TAFA2: variants seen among roughly 807,000 people sequenced by gnomAD.
TAFA2 encodes TAFA chemokine like family member 2.
TAFA2 carries 7 observed loss-of-function variants against 18.8 expected under a neutral mutation model. The observed-to-expected ratio is 0.37, with a 90% confidence interval of 0.21 to 0.70. The LOEUF (loss-of-function observed/expected upper bound fraction) is 0.70. TAFA2 is among the 30% of genes least tolerant of loss of function. The probability of loss-of-function intolerance (pLI) is 0.53; values close to 1 mark genes in which losing one functional copy is unlikely to be tolerated. For synonymous variants in TAFA2, 60 were observed against 54.2 expected (o/e 1.11, Z -0.47); for missense variants, 122 against 158.1 (o/e 0.77, Z 1.23).
At chr12:62,050,470 G>T (rs1882022339) in intron 1 of TAFA2, among the ~76,000 whole-genome samples, 2 of 152,050 alleles carry the variant, frequency 1.3e-5, no homozygotes, top group South Asian at 4.2e-4. Flanking sequence ...TACTTGGGAG[G>T]CTGAGGCAGG....
intron 1 of TAFA2, chr12:62,021,833 G>A (rs1881151236): frequency 6.1e-6 from 5 of 816,008 alleles, no homozygotes; most frequent in Non-Finnish European, 1.1e-5. Context: ...GGATCATCAG[G>A]CCATCCACAA....
At chr12:62,039,020 A>G (rs146559240) in intron 1 of TAFA2, among the ~76,000 whole-genome samples, 3 of 152,316 alleles carry the variant, frequency 2.0e-5, no homozygotes, top group African/African-American at 7.2e-5. Context: ...TGATGTCTGC[A>G]TATTTTCAAG....
chr12:62,226,582 G>T (rs1254933778), intron 1 of TAFA2, among the ~76,000 whole-genome samples: 2 of 152,100 alleles, frequency 1.3e-5, no homozygotes, highest in African/African-American at 2.4e-5. Context: ...CTTTAATACT[G>T]ATACCTATCT....
intron 1 of TAFA2, among the ~76,000 whole-genome samples, chr12:61,895,860 C>G (rs1029334877): frequency 2.0e-5 from 3 of 152,026 alleles, no homozygotes; most frequent in African/African-American, 7.2e-5. Context: ...AAAATATAAC[C>G]AGTAATCTAG....
intron 1 of TAFA2, among the ~76,000 whole-genome samples, chr12:62,080,923 G>T (rs543850968): frequency 2.0e-5 from 3 of 152,116 alleles, no homozygotes; most frequent in Admixed American, 2.0e-4. Context: ...GGCCAGGCGC[G>T]GTGGCTCACG....
chr12:61,919,128 C>A (rs929871860), intron 1 of TAFA2, among the ~76,000 whole-genome samples: 23 of 152,074 alleles, frequency 1.5e-4, no homozygotes, highest in African/African-American at 5.3e-4. Context: ...TCAACTTTCC[C>A]CCAAGGAATT....
At chr12:62,137,408 G>A (rs1347339221) in intron 1 of TAFA2, among the ~76,000 whole-genome samples, 1 of 152,054 alleles carries the variant, frequency 6.6e-6, no homozygotes, top group Non-Finnish European at 1.5e-5. Context: ...AAGAATAAAT[G>A]GAAACAATGG....
At chr12:61,833,013 T>C (rs1348969069) in intron 2 of TAFA2, among the ~76,000 whole-genome samples, 1 of 146,934 alleles carries the variant, frequency 6.8e-6, no homozygotes. Context: ...ATATAATATA[T>C]AAATATATAT....
At chr12:61,991,929 G>A (rs1261510203) in intron 1 of TAFA2, among the ~76,000 whole-genome samples, 1 of 152,122 alleles carries the variant, frequency 6.6e-6, no homozygotes, top group East Asian at 1.9e-4. Context: ...GTTCCTTCAT[G>A]TTGGCCTGCA....
Position 61,745,508 on chromosome 12 carries a change from C to T in TAFA2, c.384+8114G>A, listed in dbSNP as rs34685049. ...TGCCCTCACCTCCCAAGACCTCAAT[C>T]AACTATGCAAACTCCCTTGCTCAGC... On this transcript the variant is annotated intron_variant, in intron 4 of 4. Coordinates refer to ENST00000416284, the MANE Select transcript of TAFA2 (RefSeq NM_178539.5). Among the ~76,000 whole-genome samples the T allele has an allele frequency of 9.1e-3, 1,380 of 152,192 alleles. 23 individuals carry two copies. Among genetic ancestry groups the T allele is most frequent in the African/African-American group, 0.032 (1,313 of 41,534 alleles).
chr12:61,785,584 C>A (rs1432244992), intron 2 of TAFA2, among the ~76,000 whole-genome samples: 1 of 151,376 alleles, frequency 6.6e-6, no homozygotes, highest in Non-Finnish European at 1.5e-5. Flanking sequence ...ATTGAAGGTG[C>A]ACCTCTTATG....
At chr12:61,925,986 C>A (rs1005166202) in intron 1 of TAFA2, among the ~76,000 whole-genome samples, 4 of 152,032 alleles carry the variant, frequency 2.6e-5, no homozygotes, top group Admixed American at 6.6e-5. Flanking sequence ...AGAGAAGAAT[C>A]AAATAGACAC....
chr12:61,925,962 A>G (rs1476204405), intron 1 of TAFA2, among the ~76,000 whole-genome samples: 1 of 152,220 alleles, frequency 6.6e-6, no homozygotes, highest in Non-Finnish European at 1.5e-5. Context: ...AGCCAGACTA[A>G]TAAAGAAGAA....
At position 62,034,032 on chromosome 12, in the gene TAFA2, T is replaced by A. The variant is rs556754111; in HGVS notation, c.-2+157227A>T. ...CTTTATTCAAAAAGCATTAACTGAATAATATGCACAAGAGAGAAAGAGGTT... is the reference window on the plus strand; with the variant it reads ...CTTTATTCAAAAAGCATTAACTGAAAAATATGCACAAGAGAGAAAGAGGTT... On this transcript the variant is annotated intron_variant, in intron 1 of 4. Transcript: ENST00000416284. Among the ~76,000 whole-genome samples the A allele has an allele frequency of 5.3e-5, 8 of 152,262 alleles. No homozygotes were observed. In the South Asian group the frequency reaches 1.4e-3, roughly 28 times the overall value.
At chr12:61,926,822 C>T (rs1877314317) in intron 1 of TAFA2, among the ~76,000 whole-genome samples, 1 of 151,992 alleles carries the variant, frequency 6.6e-6, no homozygotes, top group Admixed American at 6.6e-5. Context: ...CCTGTAATCC[C>T]AGCACTTTAG....
At chr12:61,906,717 G>T (rs570853576) in intron 1 of TAFA2, among the ~76,000 whole-genome samples, 5 of 152,204 alleles carry the variant, frequency 3.3e-5, no homozygotes, top group Non-Finnish European at 7.3e-5. Context: ...CTGGAAACTG[G>T]TTGAATGGCT....
chr12:61,746,214 C>T (rs534298948), intron 4 of TAFA2, among the ~76,000 whole-genome samples: 2 of 152,148 alleles, frequency 1.3e-5, no homozygotes, highest in African/African-American at 4.8e-5. Flanking sequence ...GTTTTATAAG[C>T]ATCTGGCATT....
intron 1 of TAFA2, among the ~76,000 whole-genome samples, chr12:61,918,296 T>A (rs2121358885): frequency 6.6e-6 from 1 of 152,184 alleles, no homozygotes; most frequent in South Asian, 2.1e-4. Flanking sequence ...TCCCCCCTTT[T>A]CCCCACCCGC....
intron 1 of TAFA2, among the ~76,000 whole-genome samples, chr12:61,925,662 C>G (rs2121378852): frequency 6.6e-6 from 1 of 152,040 alleles, no homozygotes; most frequent in East Asian, 1.9e-4. Context: ...CAGGGAAGAT[C>G]TGAAATTGAC....
Sources: gnomAD v4.1 joint callset for allele counts (sites outside exome capture counted in the v4.1 genomes callset) on GRCh38, gnomAD v4.1.1 for gene constraint, MANE v1.5 for transcripts, NCBI Gene and HGNC (gene_info 2026-07-23, HGNC 2026-07-21) for gene names.